LEPR: variants seen among roughly 807,000 people sequenced by gnomAD.
LEPR encodes leptin receptor.
In LEPR, 56 loss-of-function variants were observed where a neutral mutation model predicts 114.7. The ratio of observed to expected loss-of-function variants is 0.49; its 90% CI spans 0.39 to 0.61. LEPR has a LOEUF of 0.61. Among genes scored for constraint, LEPR ranks in the 20% least tolerant of loss-of-function variants. LEPR has a pLI of 0.00. For synonymous variants in LEPR, 443 were observed against 461.4 expected, an observed-to-expected ratio of 0.96 and a Z score of 0.51; for missense variants, 1,202 against 1,352.9, an observed-to-expected ratio of 0.89 and a Z score of 1.75.
At position 65,547,210 on chromosome 1, in the gene LEPR, A is replaced by G. The variant is rs968955653; in HGVS notation, c.-20-18336A>G. ...GATGTGCTGCTGGATTCGGTTTGCC[A>G]GTATTTTATTGAGGATTTTTGCAGC... On this transcript the variant is annotated intron_variant, in intron 2 of 19. Coordinates refer to ENST00000349533, the MANE Select transcript of LEPR (RefSeq NM_002303.6). Among the ~76,000 whole-genome samples, 19 of 152,186 alleles carry G rather than the reference A, an allele frequency of 1.2e-4. No individual in the cohort carries two copies. The South Asian group carries it at 2.5e-3, about 20-fold the overall frequency.
At chr1:65,513,865 A>T (rs1350969399) in intron 2 of LEPR, among the ~76,000 whole-genome samples, 1 of 152,132 alleles carries the variant, frequency 6.6e-6, no homozygotes, top group African/African-American at 2.4e-5. Context: ...ATTTTTCTTG[A>T]TATTCTTTCA....
In LEPR at chr1:65,638,889, T is replaced by C. The variant is rs1242909350; in HGVS notation, c.*1874T>C. On this transcript the variant is annotated 3_prime_UTR_variant, in exon 20 of 20. Coordinates refer to ENST00000349533, the MANE Select transcript of LEPR (RefSeq NM_002303.6). ...TTTCATGGATAATTTTACATGGCTT[T>C]AGAGACACAGAAACAGATAAATTAT... 1 of 152,188 alleles carries C rather than the reference T, an allele frequency of 6.6e-6. No homozygotes were observed. The highest frequency in any genetic ancestry group is 2.4e-5 in the African/African-American group (1 of 41,434). 9.4% of individuals were successfully genotyped at this position (152,188 alleles called of 1,614,324 possible).
At chr1:65,437,293 T>A (rs550924394) in intron 2 of LEPR, among the ~76,000 whole-genome samples, 1 of 152,250 alleles carries the variant, frequency 6.6e-6, no homozygotes, top group African/African-American at 2.4e-5. Flanking sequence ...GGTATCTCAG[T>A]ATGTTGCCCA....
At chr1:65,536,635 A>G (rs1446105496) in intron 2 of LEPR, among the ~76,000 whole-genome samples, 1 of 152,178 alleles carries the variant, frequency 6.6e-6, no homozygotes, top group Non-Finnish European at 1.5e-5. Flanking sequence ...CATTCTCATA[A>G]GGAAAGTATA....
At chr1:65,427,216 T>C (rs1245464297) in intron 2 of LEPR, among the ~76,000 whole-genome samples, 2 of 152,180 alleles carry the variant, frequency 1.3e-5, no homozygotes, top group Non-Finnish European at 2.9e-5. Flanking sequence ...GGTATTATTA[T>C]CCTCATTTCT....
intron 2 of LEPR, among the ~76,000 whole-genome samples, chr1:65,475,966 A>G (rs536907386): frequency 1.3e-5 from 2 of 151,872 alleles, no homozygotes; most frequent in Non-Finnish European, 2.9e-5. Flanking sequence ...GCAGTGAGCC[A>G]TGATCACGCC....
chr1:65,474,291 G>A (rs61090190), intron 2 of LEPR, among the ~76,000 whole-genome samples: 12,766 of 152,134 alleles, frequency 0.084, 814 homozygotes, highest in African/African-American at 0.17. Context: ...GGACACCTGG[G>A]GCTCAGCACT....
chr1:65,546,718 T>C (rs1328343418), intron 2 of LEPR, among the ~76,000 whole-genome samples: 1 of 152,178 alleles, frequency 6.6e-6, no homozygotes, highest in Non-Finnish European at 1.5e-5. Flanking sequence ...GCTGAGACAA[T>C]GGGGTTTTCT....
At chr1:65,504,494 CT>C in intron 2 of LEPR, among the ~76,000 whole-genome samples, 1 of 152,260 alleles carries the variant, frequency 6.6e-6, no homozygotes, top group East Asian at 1.9e-4. Flanking sequence ...TGTGGTCTTC[CT>C]CTGCATGTAA....
At chr1:65,557,586 C>CT (rs1652911905) in intron 2 of LEPR, among the ~76,000 whole-genome samples, 1 of 151,930 alleles carries the variant, frequency 6.6e-6, no homozygotes, top group Non-Finnish European at 1.5e-5. Flanking sequence ...CACCCAGCTA[C>CT]TTTTTGTATT....
At chr1:65,430,885 A>G (rs1646472703) in intron 2 of LEPR, among the ~76,000 whole-genome samples, 1 of 152,220 alleles carries the variant, frequency 6.6e-6, no homozygotes, top group Non-Finnish European at 1.5e-5. Context: ...TCCGACTGGC[A>G]TTTGATATGG....
rs752178506 is a variant in LEPR at position 65,592,874 on chromosome 1, T to C, written c.703+9T>C. ...TCAGCCCATAAATATGGGTAAGTTA[T>C]GCACTAAAATGATGATAATAGGTCT... is the stretch of plus-strand genomic sequence containing the variant. On this transcript the variant is annotated intron_variant, in intron 6 of 19. Transcript: ENST00000349533. 1.9e-6 allele frequency: 3 copies of C among 1,612,418 alleles called. No homozygotes were observed. Among genetic ancestry groups the C allele is most frequent in the Non-Finnish European group, 2.5e-6 (3 of 1,178,918 alleles).
At chr1:65,502,883 G>C (rs1022293668) in intron 2 of LEPR, among the ~76,000 whole-genome samples, 4 of 151,552 alleles carry the variant, frequency 2.6e-5, no homozygotes, top group Admixed American at 2.0e-4. Flanking sequence ...GAATGGGGGT[G>C]GGGGAGCTAT....
chr1:65,607,304 C>T (rs1021689620), intron 11 of LEPR, among the ~76,000 whole-genome samples: 1 of 152,198 alleles, frequency 6.6e-6, no homozygotes, highest in African/African-American at 2.4e-5. Context: ...CAAGGGCCAT[C>T]TCTCACTTTA....
At chr1:65,628,161 C>T (rs564244812) in intron 19 of LEPR, among the ~76,000 whole-genome samples, 1 of 152,072 alleles carries the variant, frequency 6.6e-6, no homozygotes, top group South Asian at 2.1e-4. Context: ...AGGATAATAC[C>T]ATATGTGATT....
chr1:65,442,618 A>T (rs1278514363), intron 2 of LEPR, among the ~76,000 whole-genome samples: 1 of 152,208 alleles, frequency 6.6e-6, no homozygotes, highest in Non-Finnish European at 1.5e-5. Context: ...AACAGCTGGA[A>T]TATTTGTTTC....
chr1:65,572,294 T>G lies in LEPR; in HGVS notation c.371-32T>G, dbSNP rs769283469. On this transcript the variant is annotated intron_variant, in intron 4 of 19. Transcript: ENST00000349533. ...TTTTTGAGATTTCATGTAGTTGTTT[T>G]TTTTTTTTTTTTTTTTTTTTTTTAA... is the stretch of plus-strand genomic sequence containing the variant. The G allele has an allele frequency of 2.0e-5, 25 of 1,275,342 alleles. No individual in the cohort carries two copies. In the African/African-American group the frequency reaches 3.5e-4, roughly 18 times the overall value. 79.0% of individuals were successfully genotyped at this position (1,275,342 alleles called of 1,614,324 possible).
intron 2 of LEPR, among the ~76,000 whole-genome samples, chr1:65,539,600 G>C (rs1651038920): frequency 6.6e-6 from 1 of 152,182 alleles, no homozygotes; most frequent in South Asian, 2.1e-4. Context: ...ACACATAGGA[G>C]TGTATACTAT....
intron 2 of LEPR, among the ~76,000 whole-genome samples, chr1:65,539,063 GT>G (rs11350037): frequency 0.71 from 95,991 of 134,902 alleles, 33,832 homozygotes; most frequent in Middle Eastern, 0.86. Flanking sequence ...TTATTTCCTG[GT>G]TTTTTTTTTT....
Sources: allele counts gnomAD v4.1 joint callset (sites outside exome capture counted in the v4.1 genomes callset), GRCh38; gene constraint gnomAD v4.1.1; transcripts MANE v1.5; gene names NCBI Gene and HGNC (gene_info 2026-07-23, HGNC 2026-07-21).